Variants in PNOC observed in about 807,000 individuals in gnomAD.
The protein encoded by PNOC is prepronociceptin.
In PNOC, 10 loss-of-function variants were observed where a neutral mutation model predicts 15.6. That is an observed-to-expected ratio of 0.64 (90% CI 0.40 to 1.09). The LOEUF (loss-of-function observed/expected upper bound fraction) is 1.09. Ranked by LOEUF, PNOC falls within the 50% of genes least tolerant of loss-of-function variation. The pLI, the probability that PNOC is intolerant of heterozygous loss-of-function variation, is 0.01. For missense variants in PNOC, 220 were observed against 223.9 expected, an observed-to-expected ratio of 0.98 and a Z score of 0.11; for synonymous variants, 98 against 88.5, an observed-to-expected ratio of 1.11 and a Z score of -0.60.
chr8:28,339,625 G>A, intron 3 of PNOC, 134 bp downstream of exon 3: 4 of 657,826 alleles, frequency 6.1e-6, no homozygotes, highest in Non-Finnish European at 9.0e-6. Context: ...CCCGCAAGGA[G>A]TCCAGCCCAC....
chr8:28,342,831 G>A, intron 3 of PNOC, 111 bp from the exon 4 acceptor site: 1 of 258,170 alleles, frequency 3.9e-6, no homozygotes. Flanking sequence ...ATTTACTTGG[G>A]TTGATAGCTT....
At chr8:28,325,307 A>G (rs1801207222) in intron 1 of PNOC, among the ~76,000 whole-genome samples, 1 of 152,074 alleles carries the variant, frequency 6.6e-6, no homozygotes. Context: ...TGTGTGAAGG[A>G]TGAGTTGGAG....
At chr8:28,330,841 A>G (rs973615786) in intron 2 of PNOC, among the ~76,000 whole-genome samples, 1 of 152,136 alleles carries the variant, frequency 6.6e-6, no homozygotes, top group Non-Finnish European at 1.5e-5. Context: ...TGCTTTGTCA[A>G]CTATCTACAT....
chr8:28,342,992 C>T lies in PNOC; in HGVS notation c.*98C>T, dbSNP rs1801551282. 1 of 985,362 alleles carries T rather than the reference C, an allele frequency of 1.0e-6. No homozygotes were observed. Among genetic ancestry groups the T allele is most frequent in the South Asian group, 4.7e-5 (1 of 21,298 alleles). 61.0% of individuals were successfully genotyped at this position (985,362 alleles called of 1,614,324 possible). A position where few individuals can be genotyped will look rare whatever the true frequency, so the allele number is the denominator to read the frequency against. Reference sequence around the variant, plus strand: ...ATGTGCTCAGCCCCAGACCTGCCGCCTGGGAATCAGGATTCCTTCTTCCCC... The same window carrying T: ...ATGTGCTCAGCCCCAGACCTGCCGCTTGGGAATCAGGATTCCTTCTTCCCC... On this transcript the variant is annotated 3_prime_UTR_variant, in exon 4 of 4. Coordinates refer to ENST00000301908, the MANE Select transcript of PNOC (RefSeq NM_006228.5).
rs1232822114 is a variant in PNOC, at chr8:28,320,084, CTTTCTTTCTTTTTTT to C, written c.-24+2772_-24+2786del. Among the ~76,000 whole-genome samples the C allele has an allele frequency of 8.2e-3, 306 of 37,190 alleles. 2 individuals are homozygous for C. Among genetic ancestry groups the C allele is most frequent in the African/African-American group, 0.028 (290 of 10,198 alleles). The allele number at this position is 37,190 out of a possible 152,430, so 24.4% of individuals were successfully genotyped here. A position where few individuals can be genotyped will look rare whatever the true frequency, so the allele number is the denominator to read the frequency against. On this transcript the variant is annotated intron_variant, in intron 1 of 3. Coordinates refer to ENST00000301908, the MANE Select transcript of PNOC (RefSeq NM_006228.5). ...GTTTTTTTTGTTTGTTTCTTTCTTTCTTTCTTTCTTTTTTTTTTTTTTTTTTTTTTTTTTTTTCAA... is the reference window on the plus strand; with the variant it reads ...GTTTTTTTTGTTTGTTTCTTTCTTTCTTTTTTTTTTTTTTTTTTTTTTCAA...
chr8:28,338,386 A>G (rs1801450173), intron 2 of PNOC, among the ~76,000 whole-genome samples: 1 of 152,000 alleles, frequency 6.6e-6, no homozygotes, highest in Non-Finnish European at 1.5e-5. Flanking sequence ...CTCTGGTCTG[A>G]TGATGGCATC....
At chr8:28,325,336 G>A (rs1801207555) in intron 1 of PNOC, among the ~76,000 whole-genome samples, 1 of 152,088 alleles carries the variant, frequency 6.6e-6, no homozygotes, top group Non-Finnish European at 1.5e-5. Flanking sequence ...TCTGGGCAGA[G>A]GGAACAGCAA....
Position 28,329,055 on chromosome 8 carries a change from A to C in PNOC, c.-23-80A>C, listed in dbSNP as rs904135371. ...GACAGCAGAGAAGTGTCTTTCCTGCATTCTCTGGGTTAGGTCTCTGGCCCT... is the reference window on the plus strand; with the variant it reads ...GACAGCAGAGAAGTGTCTTTCCTGCCTTCTCTGGGTTAGGTCTCTGGCCCT... On this transcript the variant is annotated intron_variant, in intron 1 of 3. Coordinates refer to ENST00000301908, the MANE Select transcript of PNOC (RefSeq NM_006228.5). 4.4e-6 allele frequency: 6 copies of C among 1,370,290 alleles called. No homozygotes were observed. In the African/African-American group the frequency reaches 7.1e-5, roughly 16 times the overall value. 84.9% of individuals were successfully genotyped at this position (1,370,290 alleles called of 1,614,324 possible).
Position 28,343,008 on chromosome 8 carries a change from C to T in PNOC, c.*114C>T. 3.0e-6 allele frequency: 3 copies of T among 985,388 alleles called. No individual in the cohort carries two copies. In the Admixed American group the frequency reaches 1.8e-4, roughly 60 times the overall value. The allele number at this position is 985,388 out of a possible 1,614,324, so 61.0% of individuals were successfully genotyped here. A position where few individuals can be genotyped will look rare whatever the true frequency, so the allele number is the denominator to read the frequency against. On this transcript the variant is annotated 3_prime_UTR_variant, in exon 4 of 4. Coordinates refer to ENST00000301908, the MANE Select transcript of PNOC (RefSeq NM_006228.5). ...ACCTGCCGCCTGGGAATCAGGATTC[C>T]TTCTTCCCCAAGGCACTGAGCGCCT...
chr8:28,332,598 T>A (rs1441276969), intron 2 of PNOC, among the ~76,000 whole-genome samples: 1 of 152,180 alleles, frequency 6.6e-6, no homozygotes, highest in East Asian at 1.9e-4. Context: ...TGAGTTGTTT[T>A]AGAGACAAAA....
intron 2 of PNOC, among the ~76,000 whole-genome samples, chr8:28,335,607 A>T (rs1801398245): frequency 6.6e-6 from 1 of 152,122 alleles, no homozygotes; most frequent in African/African-American, 2.4e-5. Flanking sequence ...GGTTCACCAC[A>T]ACCTCCGCCT....
intron 1 of PNOC, among the ~76,000 whole-genome samples, chr8:28,317,938 C>G (rs572669215): frequency 6.6e-6 from 1 of 152,098 alleles, no homozygotes; most frequent in Non-Finnish European, 1.5e-5. Context: ...CACTGCTGAG[C>G]GCCACGGCGT....
chr8:28,329,083 G>A, intron 1 of PNOC, 52 bp from the exon 2 acceptor site: 3 of 1,579,368 alleles, frequency 1.9e-6, no homozygotes, highest in Non-Finnish European at 1.7e-6. Flanking sequence ...CTGGCCCTGA[G>A]CAGCCCTCCG....
chr8:28,331,457 C>T (rs565848029), intron 2 of PNOC, among the ~76,000 whole-genome samples: 14 of 152,230 alleles, frequency 9.2e-5, no homozygotes, highest in South Asian at 4.1e-4. Flanking sequence ...CATAAAGGAT[C>T]GCCAAGATTC....
intron 2 of PNOC, among the ~76,000 whole-genome samples, chr8:28,338,212 T>C (rs1234688506): frequency 1.3e-5 from 2 of 151,994 alleles, no homozygotes; most frequent in East Asian, 3.9e-4. Context: ...GGCAGAGGCT[T>C]CCAGGAGACC....
chr8:28,334,346 AGT>A (rs1801377529), intron 2 of PNOC, among the ~76,000 whole-genome samples: 2 of 152,182 alleles, frequency 1.3e-5, no homozygotes, highest in Non-Finnish European at 2.9e-5. Flanking sequence ...CCTCAGAGCA[AGT>A]TCCAAAACAG....
At chr8:28,328,045 C>T (rs1169342542) in intron 1 of PNOC, among the ~76,000 whole-genome samples, 2 of 139,356 alleles carry the variant, frequency 1.4e-5, no homozygotes, top group Non-Finnish European at 3.1e-5. Context: ...CCCAAAGGTT[C>T]CATCTCTCTC....
intron 1 of PNOC, among the ~76,000 whole-genome samples, chr8:28,328,155 C>T (rs535667841): frequency 2.7e-5 from 4 of 149,190 alleles, no homozygotes; most frequent in African/African-American, 5.0e-5. Flanking sequence ...GCAACCTCCA[C>T]CTCCCAGGTT....
chr8:28,328,059 C>CTT lies in PNOC; in HGVS notation c.-23-1051_-23-1050dup, dbSNP rs67204932. Among the ~76,000 whole-genome samples the CTT allele has an allele frequency of 1.2e-3, 95 of 82,110 alleles. 1 individual carries two copies. Among genetic ancestry groups the CTT allele is most frequent in the African/African-American group, 2.6e-3 (52 of 20,072 alleles). The allele number at this position is 82,110 out of a possible 152,430, so 53.9% of individuals were successfully genotyped here. A position where few individuals can be genotyped will look rare whatever the true frequency, so the allele number is the denominator to read the frequency against. On this transcript the variant is annotated intron_variant, in intron 1 of 3. Coordinates refer to ENST00000301908, the MANE Select transcript of PNOC (RefSeq NM_006228.5). ...TCCCAAAGGTTCCATCTCTCTCTCT[C>CTT]TTTTTTTTTTTTTTTTTTTTTTTTT... is the stretch of plus-strand genomic sequence containing the variant.
Sources: allele counts gnomAD v4.1 joint callset (sites outside exome capture counted in the v4.1 genomes callset), GRCh38; gene constraint gnomAD v4.1.1; transcripts MANE v1.5; gene names NCBI Gene and HGNC (gene_info 2026-07-23, HGNC 2026-07-21).